The following PAM variants were observed in gnomAD, a reference collection of about 807,000 sequenced individuals.
PAM encodes peptidyl-glycine alpha-amidating monooxygenase.
PAM carries 72 observed loss-of-function variants against 122.1 expected under a neutral mutation model. That is an observed-to-expected ratio of 0.59 (90% confidence interval 0.49 to 0.72). The LOEUF (loss-of-function observed/expected upper bound fraction) is 0.72, where lower values mean the gene tolerates loss of function less well. PAM is among the 30% of genes least tolerant of loss of function. PAM has a pLI of 0.00. For synonymous variants in PAM, 389 were observed against 404.4 expected (o/e 0.96, Z 0.46); for missense variants, 1,106 against 1,183.7 (o/e 0.93, Z 0.96).
chr5:102,792,280 TG>T (rs985518729), intron 1 of PAM, among the ~76,000 whole-genome samples: 1 of 152,190 alleles, frequency 6.6e-6, no homozygotes. Flanking sequence ...ATCTTAATGT[TG>T]AGAAAAATAT....
At chr5:102,797,752 G>T (rs1008285575) in intron 1 of PAM, among the ~76,000 whole-genome samples, 3 of 152,084 alleles carry the variant, frequency 2.0e-5, no homozygotes, top group Non-Finnish European at 4.4e-5. Context: ...TTTTAAAATA[G>T]TATCAGGTCA....
intron 1 of PAM, among the ~76,000 whole-genome samples, chr5:102,857,474 G>A (rs1031393992): frequency 2.6e-5 from 4 of 152,094 alleles, no homozygotes; most frequent in African/African-American, 9.7e-5. Context: ...ATCTTCTTTT[G>A]GATCAATTTG....
intron 3 of PAM, among the ~76,000 whole-genome samples, chr5:102,893,412 A>G (rs187239156): frequency 6.6e-6 from 1 of 151,830 alleles, no homozygotes; most frequent in Non-Finnish European, 1.5e-5. Context: ...TTGCTGGGGA[A>G]CCAAATATGA....
At chr5:102,968,833 C>G (rs574351991) in intron 14 of PAM, among the ~76,000 whole-genome samples, 5 of 152,092 alleles carry the variant, frequency 3.3e-5, no homozygotes, top group Non-Finnish European at 5.9e-5. Flanking sequence ...AGACTTGGAA[C>G]CAACCCAAAT....
intron 1 of PAM, among the ~76,000 whole-genome samples, chr5:102,806,899 AT>A (rs1766381336): frequency 6.6e-6 from 1 of 152,216 alleles, no homozygotes. Context: ...CCATTTTACT[AT>A]TTTTGTAAGC....
intron 3 of PAM, among the ~76,000 whole-genome samples, chr5:102,892,813 A>G (rs73175420): frequency 0.043 from 6,496 of 151,912 alleles, 291 homozygotes; most frequent in East Asian, 0.18. Flanking sequence ...GCAATGTTAT[A>G]TGGTGCTGAT....
intron 7 of PAM, among the ~76,000 whole-genome samples, chr5:102,936,296 T>G (rs1299372943): frequency 2.6e-5 from 4 of 152,130 alleles, no homozygotes; most frequent in Non-Finnish European, 5.9e-5. Context: ...TTCTGTCTAT[T>G]ATTTTGCTGG....
At chr5:102,871,634 T>G (rs1158636182) in intron 3 of PAM, among the ~76,000 whole-genome samples, 1 of 149,934 alleles carries the variant, frequency 6.7e-6, no homozygotes, top group Admixed American at 6.7e-5. Flanking sequence ...CATCTTTATA[T>G]TGCTTGGAGG....
intron 4 of PAM, among the ~76,000 whole-genome samples, chr5:102,902,644 T>A (rs895899732): frequency 6.6e-6 from 1 of 151,576 alleles, no homozygotes; most frequent in African/African-American, 2.4e-5. Context: ...GCCATAAAGC[T>A]TTCCTTAATT....
At chr5:102,946,975 G>C in intron 8 of PAM, 90 bp downstream of exon 8, 1 of 839,708 alleles carries the variant, frequency 1.2e-6, no homozygotes, top group Admixed American at 2.0e-5. Context: ...TTATCTGTGG[G>C]TAAAAATTAA....
chr5:102,857,940 G>A (rs577021709), intron 1 of PAM, among the ~76,000 whole-genome samples: 1 of 152,274 alleles, frequency 6.6e-6, no homozygotes, highest in African/African-American at 2.4e-5. Context: ...TGGATTAAGA[G>A]CATGGATTCT....
At chr5:102,856,817 A>G (rs1782759256) in intron 1 of PAM, among the ~76,000 whole-genome samples, 1 of 152,154 alleles carries the variant, frequency 6.6e-6, no homozygotes, top group South Asian at 2.1e-4. Flanking sequence ...TACCCAGCCA[A>G]TTTTGACTTG....
At chr5:102,965,036 C>A (rs1763639177) in intron 14 of PAM, among the ~76,000 whole-genome samples, 1 of 151,624 alleles carries the variant, frequency 6.6e-6, no homozygotes, top group Admixed American at 6.6e-5. Flanking sequence ...TGAAGAATTA[C>A]CTATATATGT....
At chr5:102,957,724 T>C (rs1027446008) in intron 12 of PAM, among the ~76,000 whole-genome samples, 1 of 152,082 alleles carries the variant, frequency 6.6e-6, no homozygotes, top group African/African-American at 2.4e-5. Context: ...GAGACGAGGT[T>C]TCACCATCTT....
chr5:102,814,698 C>T (rs1427483052), intron 1 of PAM, among the ~76,000 whole-genome samples: 1 of 151,446 alleles, frequency 6.6e-6, no homozygotes, highest in East Asian at 1.9e-4. Flanking sequence ...CAGCAAATTG[C>T]AGTTGGGATT....
chr5:102,994,690 TTTATGC>T (rs745591159), intron 16 of PAM, among the ~76,000 whole-genome samples: 35 of 152,164 alleles, frequency 2.3e-4, no homozygotes, highest in Non-Finnish European at 4.1e-4. Flanking sequence ...TTACTGGAAG[TTTATGC>T]TTATGCAGTG....
intron 1 of PAM, among the ~76,000 whole-genome samples, chr5:102,853,882 G>A (rs962969073): frequency 2.0e-5 from 3 of 152,202 alleles, no homozygotes; most frequent in African/African-American, 7.2e-5. Context: ...TCACACTTAC[G>A]TGTACTATTG....
chr5:102,768,644 T>A (rs184113995), intron 1 of PAM, among the ~76,000 whole-genome samples: 1 of 152,302 alleles, frequency 6.6e-6, no homozygotes, highest in East Asian at 1.9e-4. Context: ...TACAATTACA[T>A]CCATGTTGTT....
intron 1 of PAM, among the ~76,000 whole-genome samples, chr5:102,763,321 C>T (rs1270029199): frequency 6.6e-6 from 1 of 152,138 alleles, no homozygotes. Flanking sequence ...TTGACAGTGA[C>T]CTCTAGCTCT....
Sources: allele counts gnomAD v4.1 joint callset (sites outside exome capture counted in the v4.1 genomes callset), GRCh38; gene constraint gnomAD v4.1.1; transcripts MANE v1.5; gene names NCBI Gene and HGNC (gene_info 2026-07-23, HGNC 2026-07-21).